TSKS: variants seen among roughly 807,000 people sequenced by gnomAD.
The protein encoded by TSKS is testis specific serine kinase substrate.
In TSKS, 27 loss-of-function variants were observed where a neutral mutation model predicts 68.0. That is an observed-to-expected ratio of 0.40 (90% CI 0.29 to 0.55). The LOEUF is 0.55. TSKS is among the 20% of genes least tolerant of loss of function. The pLI is 0.53. For synonymous variants in TSKS, 331 were observed against 340.4 expected (o/e 0.97, Z 0.30); for missense variants, 806 against 776.0 (o/e 1.04, Z -0.46).
chr19:49,756,812 C>T (rs866699621), intron 2 of TSKS, among the ~76,000 whole-genome samples: 5 of 152,312 alleles, frequency 3.3e-5, no homozygotes, highest in Admixed American at 6.5e-5. Flanking sequence ...GTAATCCCAG[C>T]ACTTTGGGAG....
intron 2 of TSKS, among the ~76,000 whole-genome samples, chr19:49,755,599 G>A (rs910866488): frequency 6.6e-6 from 1 of 152,122 alleles, no homozygotes; most frequent in Non-Finnish European, 1.5e-5. Context: ...GGGAGGCCAA[G>A]ATGGGAGGAT....
intron 2 of TSKS, 58 bp from the exon 3 acceptor site, chr19:49,748,527 C>T: frequency 2.0e-6 from 3 of 1,534,728 alleles, no homozygotes; most frequent in Non-Finnish European, 2.7e-6. Context: ...GCCCCAAGCC[C>T]AGGAAGAATT....
At chr19:49,758,158 CCTCTCTCTGGGTCTCTGTTCCCCTCT>C (rs1320282911) in intron 2 of TSKS, among the ~76,000 whole-genome samples, 8 of 151,018 alleles carry the variant, frequency 5.3e-5, no homozygotes, top group Non-Finnish European at 8.9e-5. Context: ...TCTCCCTTCC[CCTCTCTCTGGGTCTCTGTTCCCCTCT>C]CTCTCTCTGG....
rs34082111 is a variant in TSKS at position 49,745,299 on chromosome 19, C to T, written c.1090G>A (p.Gly364Ser). Residue 364 changes from glycine (G) to serine (S), a missense_variant, in exon 7 of 11, where the codon GGC (glycine) becomes AGC (serine). By Grantham distance (56) the Gly-to-Ser change is moderately conservative. Coordinates refer to ENST00000246801, the MANE Select transcript of TSKS (RefSeq NM_021733.2). ...GCCCGCTCCCACTGGCCTAGGAAGCCGTCGACCCTGCCGCCCAGGCCCCCG... is the reference window on the plus strand; with the variant it reads ...GCCCGCTCCCACTGGCCTAGGAAGCTGTCGACCCTGCCGCCCAGGCCCCCG... ...LLGGLGGRVD[G>S]FLGQWERAQR... The T allele has an allele frequency of 1.4e-3, 2,324 of 1,605,534 alleles. 30 individuals carry two copies. The African/African-American group carries it at 0.027, about 19-fold the overall frequency.
chr19:49,744,931 C>T (rs1043763481), intron 7 of TSKS, among the ~76,000 whole-genome samples: 19 of 152,126 alleles, frequency 1.2e-4, no homozygotes, highest in Non-Finnish European at 2.6e-4. Context: ...TCCTAGTTCT[C>T]TTAATTGATT....
intron 2 of TSKS, among the ~76,000 whole-genome samples, chr19:49,752,081 A>G (rs760736052): frequency 3.3e-5 from 5 of 150,946 alleles, no homozygotes; most frequent in Non-Finnish European, 1.5e-5. Flanking sequence ...CAAAAACAAC[A>G]ACAAAAAAAT....
chr19:49,754,269 CAG>C (rs2084375986), intron 2 of TSKS, among the ~76,000 whole-genome samples: 1 of 151,248 alleles, frequency 6.6e-6, no homozygotes, highest in Non-Finnish European at 1.5e-5. Context: ...GAGGCCAAGG[CAG>C]GTGGATCACC....
At chr19:49,757,598 G>T (rs1261057492) in intron 2 of TSKS, among the ~76,000 whole-genome samples, 2 of 152,088 alleles carry the variant, frequency 1.3e-5, no homozygotes, top group Non-Finnish European at 2.9e-5. Flanking sequence ...CTGTGAAATG[G>T]AGATATAACT....
intron 2 of TSKS, 76 bp downstream of exon 2, chr19:49,761,927 AC>A: frequency 8.1e-7 from 1 of 1,242,134 alleles, no homozygotes; most frequent in Admixed American, 2.1e-5. Flanking sequence ...AAAACACCCC[AC>A]CCCCGTCCTA....
At chr19:49,748,200 G>A in intron 3 of TSKS, 32 bp from the exon 4 acceptor site, 2 of 1,606,990 alleles carry the variant, frequency 1.2e-6, no homozygotes, top group Non-Finnish European at 1.7e-6. Context: ...GGTTAGCCAA[G>A]GACACGAGGG....
rs546319735 is a variant in TSKS at position 49,740,682 on chromosome 19, G to A, written c.1498-499C>T. On this transcript the variant is annotated intron_variant, in intron 9 of 10. Transcript: ENST00000246801. Reference sequence around the variant, plus strand: ...GTGGATCACTTAAGGTCAAGAGTTCGAGACCAGCCTGGCCAACAGGGTGAA... The same window carrying A: ...GTGGATCACTTAAGGTCAAGAGTTCAAGACCAGCCTGGCCAACAGGGTGAA... Among the ~76,000 whole-genome samples, 9 of 151,692 alleles carry A rather than the reference G, an allele frequency of 5.9e-5. No homozygotes were observed. The South Asian group carries it at 1.7e-3, about 28-fold the overall frequency.
chr19:49,750,001 T>G (rs533700862), intron 2 of TSKS, among the ~76,000 whole-genome samples: 2 of 152,176 alleles, frequency 1.3e-5, no homozygotes, highest in East Asian at 3.9e-4. Context: ...GAGTCATCCC[T>G]TATAGGAAAA....
At chr19:49,744,539 TCTGA>T in intron 7 of TSKS, 135 bp from the exon 8 acceptor site, 1 of 810,174 alleles carries the variant, frequency 1.2e-6, no homozygotes, top group East Asian at 2.6e-5. Flanking sequence ...CCCTCTCTGC[TCTGA>T]CTGGCCTCAC....
chr19:49,754,546 T>C (rs911955242), intron 2 of TSKS, among the ~76,000 whole-genome samples: 1 of 151,766 alleles, frequency 6.6e-6, no homozygotes, highest in Non-Finnish European at 1.5e-5. Context: ...AAAAAAGTTA[T>C]AAGGCATGCA....
intron 8 of TSKS, among the ~76,000 whole-genome samples, chr19:49,743,542 G>C (rs192005439): frequency 7.3e-6 from 1 of 136,258 alleles, no homozygotes; most frequent in Non-Finnish European, 1.5e-5. Flanking sequence ...CTGTCTCCCA[G>C]GCTGGAGTGC....
intron 2 of TSKS, among the ~76,000 whole-genome samples, chr19:49,758,896 T>A (rs2123629947): frequency 6.6e-6 from 1 of 152,158 alleles, no homozygotes; most frequent in Non-Finnish European, 1.5e-5. Context: ...TTGCTCTTGT[T>A]GCCCAGGCTG....
chr19:49,742,995 C>T (rs1053087757), intron 8 of TSKS, among the ~76,000 whole-genome samples: 3 of 152,278 alleles, frequency 2.0e-5, no homozygotes, highest in African/African-American at 7.2e-5. Flanking sequence ...TCACTTCCCC[C>T]TCAGTGCACT....
In TSKS at chr19:49,763,175, C is replaced by A; in HGVS notation, c.73G>T (p.Val25Leu). The change falls in exon 1 of 11, where the codon GTG becomes TTG. Residue 25 changes from valine (V) to leucine (L), a missense_variant. Physicochemically the swap from Val to Leu is conservative, Grantham distance 32. Coordinates refer to ENST00000246801, the MANE Select transcript of TSKS (RefSeq NM_021733.2). This position sits in a 1 kb window ranked among gnomAD's most constrained non-coding sequence, Gnocchi z 4.5. The stretch of plus-strand genomic sequence containing the variant: ...GGGACTAGCTGGGAGCAGCTCTCCA[C>A]CCCCGTGGGGGTGTCCCCGGCCTCA... ...IHEAGDTPTG[V>L]ESCSQLVPEA... 1 of 1,603,226 alleles carries A rather than the reference C, an allele frequency of 6.2e-7. No homozygotes were observed. Among genetic ancestry groups the A allele is most frequent in the Non-Finnish European group, 8.5e-7 (1 of 1,174,746 alleles).
intron 7 of TSKS, among the ~76,000 whole-genome samples, chr19:49,744,791 T>C (rs1002939253): frequency 6.6e-6 from 1 of 152,104 alleles, no homozygotes; most frequent in South Asian, 2.1e-4. Flanking sequence ...GTCTCCGCTA[T>C]GTGGCCCAGG....
Sources: gnomAD v4.1 joint callset for allele counts (sites outside exome capture counted in the v4.1 genomes callset) on GRCh38, gnomAD v4.1.1 for gene constraint, Gnocchi (gnomAD v3.1) non-coding constraint, MANE v1.5 for transcripts, NCBI Gene and HGNC (gene_info 2026-07-23, HGNC 2026-07-21) for gene names.